Variants in MDGA2 observed in about 807,000 individuals in gnomAD.
MDGA2 encodes MAM domain-containing glycosylphosphatidylinositol anchor protein 2.
Under a neutral mutation model 117.8 loss-of-function variants are expected in MDGA2, and 40 were observed. That is an observed-to-expected ratio of 0.34 (90% CI 0.26 to 0.44). MDGA2 has a LOEUF of 0.44. Ranked by LOEUF, MDGA2 falls within the 20% of genes least tolerant of loss-of-function variation. The pLI, the probability that MDGA2 is intolerant of heterozygous loss-of-function variation, is 1.00. For synonymous variants in MDGA2, 452 were observed against 439.0 expected (o/e 1.03, Z -0.37); for missense variants, 1,123 against 1,250.6 (o/e 0.90, Z 1.54).
chr14:47,672,598 C>A (rs1251717902), intron 1 of MDGA2, among the ~76,000 whole-genome samples: 2 of 152,130 alleles, frequency 1.3e-5, no homozygotes, highest in African/African-American at 4.8e-5. Context: ...CTTCTCATCA[C>A]CCCATCACAC....
Position 46,855,594 on chromosome 14 carries a change from G to A in MDGA2, c.2753-440C>T, listed in dbSNP as rs1881238650. On this transcript the variant is annotated intron_variant, in intron 14 of 16. Coordinates refer to ENST00000399232, the MANE Select transcript of MDGA2 (RefSeq NM_001113498.3). This position sits in a 1 kb window ranked among gnomAD's most constrained non-coding sequence, Gnocchi z 4.1. ...TGGCAGCTTCTTGAAGCTAGTAAAGGCAAAGGAAAGGGCTTCTTTCCTGGA... is the reference window on the plus strand; with the variant it reads ...TGGCAGCTTCTTGAAGCTAGTAAAGACAAAGGAAAGGGCTTCTTTCCTGGA... Among the ~76,000 whole-genome samples the A allele has an allele frequency of 6.6e-6, 1 of 152,124 alleles. No individual in the cohort carries two copies. The highest frequency in any genetic ancestry group is 2.4e-5 in the African/African-American group (1 of 41,448).
intron 1 of MDGA2, among the ~76,000 whole-genome samples, chr14:47,571,620 T>G (rs957389433): frequency 6.6e-6 from 1 of 152,090 alleles, no homozygotes; most frequent in African/African-American, 2.4e-5. Context: ...TGGATGAAGC[T>G]GGAAACCATC....
intron 6 of MDGA2, among the ~76,000 whole-genome samples, chr14:47,082,528 C>T (rs1890746048): frequency 6.6e-6 from 1 of 151,974 alleles, no homozygotes; most frequent in East Asian, 1.9e-4. Flanking sequence ...ATTAACAAGC[C>T]AGTCTTCAAT....
intron 3 of MDGA2, among the ~76,000 whole-genome samples, chr14:47,217,347 G>C (rs1025100228): frequency 6.6e-6 from 1 of 151,836 alleles, no homozygotes; most frequent in Admixed American, 6.6e-5. Context: ...ATTAAATGTA[G>C]GCCCTTGCTT....
intron 1 of MDGA2, among the ~76,000 whole-genome samples, chr14:47,369,552 C>T (rs1299367025): frequency 1.3e-5 from 2 of 152,078 alleles, no homozygotes; most frequent in Non-Finnish European, 2.9e-5. Context: ...CCCTGCAGTC[C>T]TCCAGCCATC....
intron 1 of MDGA2, among the ~76,000 whole-genome samples, chr14:47,342,367 CT>C (rs1482459070): frequency 4.7e-5 from 7 of 149,710 alleles, no homozygotes; most frequent in South Asian, 2.1e-4. Flanking sequence ...TCTACAATTT[CT>C]ATATGAAATG....
intron 1 of MDGA2, among the ~76,000 whole-genome samples, chr14:47,416,610 C>T (rs1892480816): frequency 6.6e-6 from 1 of 152,178 alleles, no homozygotes; most frequent in African/African-American, 2.4e-5. Context: ...AGTGGCCCTG[C>T]CCTTGGGATG....
intron 4 of MDGA2, among the ~76,000 whole-genome samples, chr14:47,136,412 G>T (rs574464633): frequency 1.3e-5 from 2 of 151,880 alleles, no homozygotes; most frequent in Non-Finnish European, 2.9e-5. Context: ...GACCAGGCTG[G>T]TCTGGAACTC....
intron 14 of MDGA2, among the ~76,000 whole-genome samples, chr14:46,867,209 G>T (rs1881805142): frequency 6.6e-6 from 1 of 152,146 alleles, no homozygotes. Context: ...ATACTATGCA[G>T]CCATAAAAAA....
At position 46,924,552 on chromosome 14, in the gene MDGA2, A is replaced by G. The variant is rs1001896796; in HGVS notation, c.2090-4392T>C. On this transcript the variant is annotated intron_variant, in intron 9 of 16. Coordinates refer to ENST00000399232, the MANE Select transcript of MDGA2 (RefSeq NM_001113498.3). ...GTTTATAGGACATGTTTGCAAATTT[A>G]GGGATATCTATCAATTTTTCACTTT... Among the ~76,000 whole-genome samples the G allele has an allele frequency of 7.9e-5, 12 of 152,266 alleles. No homozygotes were observed. The East Asian group carries it at 2.1e-3, about 27-fold the overall frequency.
chr14:46,870,318 A>G (rs1227319910), intron 14 of MDGA2, among the ~76,000 whole-genome samples: 27 of 151,996 alleles, frequency 1.8e-4, no homozygotes, highest in Admixed American at 1.6e-3. Context: ...TATAAATTTA[A>G]TTAGGCTATT....
At chr14:47,298,089 T>C (rs1594780800) in intron 2 of MDGA2, among the ~76,000 whole-genome samples, 2 of 152,138 alleles carry the variant, frequency 1.3e-5, no homozygotes, top group South Asian at 2.1e-4. Flanking sequence ...AAGGATTCTA[T>C]GATATAAGAT....
intron 8 of MDGA2, among the ~76,000 whole-genome samples, chr14:47,015,652 G>A (rs1048124986): frequency 6.6e-6 from 1 of 152,028 alleles, no homozygotes; most frequent in Non-Finnish European, 1.5e-5. Flanking sequence ...ATAAGAGGAT[G>A]AGAATCACAG....
chr14:47,476,262 G>A (rs574174630), intron 1 of MDGA2, among the ~76,000 whole-genome samples: 18 of 151,994 alleles, frequency 1.2e-4, no homozygotes, highest in African/African-American at 1.4e-4. Flanking sequence ...AAAAATATTC[G>A]AGTGCACAAT....
At chr14:47,016,356 G>T (rs1888082844) in intron 8 of MDGA2, among the ~76,000 whole-genome samples, 1 of 151,828 alleles carries the variant, frequency 6.6e-6, no homozygotes, top group South Asian at 2.1e-4. Flanking sequence ...AAATAATGTA[G>T]TATCAGTTAT....
At chr14:47,490,881 C>T (rs1275125221) in intron 1 of MDGA2, among the ~76,000 whole-genome samples, 3 of 152,044 alleles carry the variant, frequency 2.0e-5, no homozygotes, top group African/African-American at 7.2e-5. Context: ...TTGGCTAGGC[C>T]TGGCGTAGGT....
At chr14:47,184,692 G>A (rs1481850812) in intron 3 of MDGA2, among the ~76,000 whole-genome samples, 1 of 151,682 alleles carries the variant, frequency 6.6e-6, no homozygotes, top group Non-Finnish European at 1.5e-5. Context: ...TACAAAAGTA[G>A]AGCATAATAT....
rs186198518 is a variant in MDGA2, at chr14:47,657,391, G to A, written c.280+17126C>T. ...CAATAGACACAAAAGGGAAGAAGCC[G>A]TAGTGAAAATTATAGACATTATCCA... On this transcript the variant is annotated intron_variant, in intron 1 of 16. Coordinates refer to ENST00000399232, the MANE Select transcript of MDGA2 (RefSeq NM_001113498.3). Among the ~76,000 whole-genome samples, 28 of 152,258 alleles carry A rather than the reference G, an allele frequency of 1.8e-4. No individual in the cohort carries two copies. In the East Asian group the frequency reaches 2.7e-3, roughly 15 times the overall value.
chr14:46,882,740 CA>C (rs1358328000), intron 10 of MDGA2, among the ~76,000 whole-genome samples: 2 of 151,186 alleles, frequency 1.3e-5, no homozygotes, highest in Non-Finnish European at 3.0e-5. Flanking sequence ...GTCATATGTA[CA>C]ATAGAGAAAA....
Sources: gnomAD v4.1 joint callset for allele counts (sites outside exome capture counted in the v4.1 genomes callset) on GRCh38, gnomAD v4.1.1 for gene constraint, Gnocchi (gnomAD v3.1) non-coding constraint, MANE v1.5 for transcripts, NCBI Gene and HGNC (gene_info 2026-07-23, HGNC 2026-07-21) for gene names.